The following CCDC125 variants were observed in gnomAD, a reference collection of about 807,000 sequenced individuals.
The protein encoded by CCDC125 is coiled-coil domain-containing protein 125.
In CCDC125, 43 loss-of-function variants were observed where a neutral mutation model predicts 57.4. That is an observed-to-expected ratio of 0.75 (90% CI 0.59 to 0.97). CCDC125 has a LOEUF of 0.97. CCDC125 is among the 50% of genes least tolerant of loss of function. CCDC125 has a pLI of 0.00. For missense variants in CCDC125, 563 were observed against 595.7 expected (o/e 0.95, Z 0.57); for synonymous variants, 187 against 195.2 (o/e 0.96, Z 0.35).
Position 69,320,554 on chromosome 5 carries a change from T to C in CCDC125, c.-14A>G. ...CACCTTGCTCATGAGCCAAATGCCGTCTTTATCATAAGAAAAAATGGGCTG... is the reference window on the plus strand; with the variant it reads ...CACCTTGCTCATGAGCCAAATGCCGCCTTTATCATAAGAAAAAATGGGCTG... On this transcript the variant is annotated 5_prime_UTR_variant, in exon 2 of 12. Coordinates refer to ENST00000396496, the MANE Select transcript of CCDC125 (RefSeq NM_176816.5). 6.4e-7 allele frequency: 1 copy of C among 1,574,510 alleles called. No individual in the cohort carries two copies. The highest frequency in any genetic ancestry group is 8.6e-7 in the Non-Finnish European group (1 of 1,160,928).
At chr5:69,307,342 C>T (rs1757466628) in intron 5 of CCDC125, among the ~76,000 whole-genome samples, 1 of 151,866 alleles carries the variant, frequency 6.6e-6, no homozygotes, top group South Asian at 2.1e-4. Context: ...GAAAGACGTA[C>T]GTCCTGCCAG....
downstream of CCDC125, among the ~76,000 whole-genome samples, chr5:69,279,372 A>G (rs374382527): frequency 1.3e-5 from 2 of 151,930 alleles, no homozygotes; most frequent in East Asian, 1.9e-4. Flanking sequence ...AATATTTTGT[A>G]TTTTTAGTAG....
At chr5:69,278,009 G>T (rs1255674444), downstream of CCDC125, among the ~76,000 whole-genome samples, 1 of 152,018 alleles carries the variant, frequency 6.6e-6, no homozygotes, top group African/African-American at 2.4e-5. Flanking sequence ...CTCCTGAGCA[G>T]CTGGGATTAT....
chr5:69,294,260 G>T, intron 9 of CCDC125: 1 of 396,760 alleles, frequency 2.5e-6, no homozygotes, highest in Non-Finnish European at 3.4e-6. Flanking sequence ...TATTAATTAT[G>T]AACTTAGGCA....
chr5:69,279,193 G>C (rs1418299728), downstream of CCDC125, among the ~76,000 whole-genome samples: 1 of 126,718 alleles, frequency 7.9e-6, no homozygotes, highest in Non-Finnish European at 1.6e-5. Context: ...AGCTCATGCA[G>C]GTTTGTTTTT....
downstream of CCDC125, among the ~76,000 whole-genome samples, chr5:69,279,198 G>GT (rs59136402): frequency 0.027 from 3,209 of 119,142 alleles, 129 homozygotes; most frequent in African/African-American, 0.087. Flanking sequence ...ATGCAGGTTT[G>GT]TTTTTTTTTT....
downstream of CCDC125, chr5:69,277,157 T>C: frequency 2.5e-6 from 4 of 1,577,488 alleles, no homozygotes; most frequent in East Asian, 4.5e-5. Context: ...GACAACATTT[T>C]ACTACTGAGG....
At chr5:69,314,096 T>G (rs1758607688) in intron 2 of CCDC125, 50 bp from the exon 3 acceptor site, 1 of 1,230,702 alleles carries the variant, frequency 8.1e-7, no homozygotes. Flanking sequence ...TTTGAATATT[T>G]TAACTAATTA....
chr5:69,332,208 TA>T lies in CCDC125; in HGVS notation c.-41+440del, dbSNP rs1351061259. Among the ~76,000 whole-genome samples, 6 of 152,246 alleles carry T rather than the reference TA, an allele frequency of 3.9e-5. No individual in the cohort carries two copies. The East Asian group carries it at 5.8e-4, about 15-fold the overall frequency. ...TGTTTCTTAACTTTTCATTTTAGAA[TA>T]ATTTTAGATGTACAGTAAATTGCAA... On this transcript the variant is annotated intron_variant, in intron 1 of 11. Transcript: ENST00000396496.
At chr5:69,283,735 G>T (rs1037958593) in intron 11 of CCDC125, among the ~76,000 whole-genome samples, 1 of 147,914 alleles carries the variant, frequency 6.8e-6, no homozygotes, top group Non-Finnish European at 1.5e-5. Flanking sequence ...TGATCCACTC[G>T]CCTCGGCCTC....
Position 69,281,711 on chromosome 5 carries a change from C to T in CCDC125, c.*1018G>A, listed in dbSNP as rs2150261432. On this transcript the variant is annotated 3_prime_UTR_variant, in exon 12 of 12. Transcript: ENST00000396496. Reference sequence around the variant, plus strand: ...CAAATAAAACAAGATAAATGAATTCCAGAAATTAACATTCAGTCAGTCCTA... The same window carrying T: ...CAAATAAAACAAGATAAATGAATTCTAGAAATTAACATTCAGTCAGTCCTA... 1 of 152,032 alleles carries T rather than the reference C, an allele frequency of 6.6e-6. No individual in the cohort carries two copies. Among genetic ancestry groups the T allele is most frequent in the East Asian group, 1.9e-4 (1 of 5,178 alleles). 9.4% of individuals were successfully genotyped at this position (152,032 alleles called of 1,614,324 possible).
Position 69,281,241 on chromosome 5 carries a change from A to C in CCDC125, c.*1488T>G, listed in dbSNP as rs1752454397. On this transcript the variant is annotated 3_prime_UTR_variant, in exon 12 of 12. Coordinates refer to ENST00000396496, the MANE Select transcript of CCDC125 (RefSeq NM_176816.5). ...TATTGAGTTGTGGTTTATGCCTGTA[A>C]TCCCAGCACTTTGAGAGGCTGAGGC... The C allele has an allele frequency of 6.6e-6, 1 of 152,202 alleles. No individual in the cohort carries two copies. Among genetic ancestry groups the C allele is most frequent in the South Asian group, 2.1e-4 (1 of 4,828 alleles). 9.4% of individuals were successfully genotyped at this position (152,202 alleles called of 1,614,324 possible). A position where few individuals can be genotyped will look rare whatever the true frequency, so the allele number is the denominator to read the frequency against.
At chr5:69,322,751 C>T (rs1447923284) in intron 1 of CCDC125, among the ~76,000 whole-genome samples, 2 of 149,486 alleles carry the variant, frequency 1.3e-5, no homozygotes, top group Non-Finnish European at 1.5e-5. Flanking sequence ...TTAGCAGAGA[C>T]GGGGTTTCAC....
intron 10 of CCDC125, among the ~76,000 whole-genome samples, chr5:69,286,188 C>CTATATATATATA (rs59035946): frequency 1.6e-4 from 8 of 51,340 alleles, no homozygotes; most frequent in Admixed American, 3.4e-4. Flanking sequence ...AAATGGTAAA[C>CTATATATATATA]TATATATATA....
downstream of CCDC125, chr5:69,276,779 A>C (rs889967417): frequency 3.7e-6 from 4 of 1,084,934 alleles, no homozygotes; most frequent in East Asian, 9.6e-5. Flanking sequence ...ACAGCAAAGA[A>C]ATGTAGCTTG....
intron 9 of CCDC125, among the ~76,000 whole-genome samples, chr5:69,292,867 G>T (rs1486001881): frequency 6.8e-6 from 1 of 147,514 alleles, no homozygotes; most frequent in Non-Finnish European, 1.5e-5. Context: ...TTTTGATGGA[G>T]TCTCGCTCTG....
the CCDC125 span, among the ~76,000 whole-genome samples, chr5:69,274,666 A>C: frequency 6.6e-6 from 1 of 152,038 alleles, no homozygotes; most frequent in Non-Finnish European, 1.5e-5. Context: ...CCCAGGCTGG[A>C]GTGCAGTGGC....
the CCDC125 span, among the ~76,000 whole-genome samples, chr5:69,275,021 G>A: frequency 1.4e-5 from 2 of 147,222 alleles, no homozygotes; most frequent in African/African-American, 2.5e-5. Context: ...CCAAGATTGT[G>A]CCACTGCACT....
chr5:69,292,039 A>G (rs1202108301), intron 10 of CCDC125, 149 bp downstream of exon 10: 4 of 671,584 alleles, frequency 6.0e-6, no homozygotes, highest in East Asian at 5.4e-5. Context: ...CTTTTTTTCC[A>G]TAGTTGCTAA....
Sources: allele counts gnomAD v4.1 joint callset (sites outside exome capture counted in the v4.1 genomes callset), GRCh38; gene constraint gnomAD v4.1.1; transcripts MANE v1.5; gene names NCBI Gene and HGNC (gene_info 2026-07-23, HGNC 2026-07-21).